The following CENPP variants were observed in gnomAD, a reference collection of about 807,000 sequenced individuals.
CENPP encodes the protein centromere protein P.
In CENPP, 24 loss-of-function variants were observed where a neutral mutation model predicts 35.6. That is an observed-to-expected ratio of 0.67 (90% confidence interval 0.49 to 0.95). The LOEUF (loss-of-function observed/expected upper bound fraction) is 0.95, where lower values mean the gene tolerates loss of function less well. CENPP is among the 40% of genes least tolerant of loss of function. The probability of loss-of-function intolerance (pLI) is 0.00; values close to 1 mark genes in which losing one functional copy is unlikely to be tolerated. For synonymous variants in CENPP, 120 were observed against 125.5 expected, an observed-to-expected ratio of 0.96 and a Z score of 0.29; for missense variants, 332 against 345.3, an observed-to-expected ratio of 0.96 and a Z score of 0.31.
At chr9:92,578,459 C>T (rs1850339505) in intron 5 of CENPP, among the ~76,000 whole-genome samples, 1 of 151,862 alleles carries the variant, frequency 6.6e-6, no homozygotes, top group Admixed American at 6.6e-5. Context: ...TCTCCAGCAC[C>T]TGTTGTTTCC....
chr9:92,536,109 T>C, intron 5 of CENPP: 3 of 438,760 alleles, frequency 6.8e-6, no homozygotes, highest in Admixed American at 6.4e-5. Flanking sequence ...ATAAATGCCT[T>C]TCAGTTCTTT....
intron 5 of CENPP, among the ~76,000 whole-genome samples, chr9:92,605,824 T>G (rs1851062429): frequency 1.3e-5 from 2 of 152,154 alleles, no homozygotes; most frequent in South Asian, 2.1e-4. Flanking sequence ...AATGAAAAAC[T>G]TTGTACTTCA....
At chr9:92,541,751 A>C (rs1057441669) in intron 5 of CENPP, among the ~76,000 whole-genome samples, 1 of 151,946 alleles carries the variant, frequency 6.6e-6, no homozygotes, top group Non-Finnish European at 1.5e-5. Flanking sequence ...ATGCTGCAGT[A>C]AACATGGGAG....
chr9:92,332,227 T>C lies in CENPP; in HGVS notation c.165T>C (p.Asp55=), dbSNP rs183021721. Residue 55 remains aspartate, a synonymous_variant, in exon 2 of 8, where the codon GAT becomes GAC. Coordinates refer to ENST00000375587, the MANE Select transcript of CENPP (RefSeq NM_001012267.3). The part of the protein sequence containing the change: ...FNLEGWKSSK[D]LKNQLGHLES... The stretch of plus-strand genomic sequence containing the variant: ...TGGAAGGATGGAAGTCTTCAAAAGA[T>C]CTGAAAAATCAGCTTGGACATTTAG... The C allele has an allele frequency of 6.8e-6, 11 of 1,612,750 alleles. No individual in the cohort carries two copies. The Admixed American group carries it at 1.8e-4, about 27-fold the overall frequency.
chr9:92,328,451 T>C (rs1460163879), intron 1 of CENPP, among the ~76,000 whole-genome samples: 1 of 152,238 alleles, frequency 6.6e-6, no homozygotes, highest in Non-Finnish European at 1.5e-5. Context: ...CTGAGTGATC[T>C]TGGTTAAGTG....
intron 5 of CENPP, among the ~76,000 whole-genome samples, chr9:92,577,716 A>C (rs1046531302): frequency 6.6e-6 from 1 of 152,132 alleles, no homozygotes; most frequent in East Asian, 1.9e-4. Context: ...GCTACTTGGA[A>C]GCTGAGGTGG....
In CENPP at chr9:92,517,776, A is replaced by G. The variant is rs772183545; in HGVS notation, c.565-93538A>G. 9.9e-6 allele frequency: 16 copies of G among 1,614,132 alleles called. No homozygotes were observed. In the South Asian group the frequency reaches 1.6e-4, roughly 17 times the overall value. On this transcript the variant is annotated intron_variant, in intron 5 of 7. Coordinates refer to ENST00000375587, the MANE Select transcript of CENPP (RefSeq NM_001012267.3). ...ATGGCACATGGTTTCATCACAAAGA[A>G]CTCTTCCATCTGAGCAGAGGCAGGT... is the stretch of plus-strand genomic sequence containing the variant.
At chr9:92,580,202 G>T (rs1850386540) in intron 5 of CENPP, among the ~76,000 whole-genome samples, 1 of 152,080 alleles carries the variant, frequency 6.6e-6, no homozygotes, top group African/African-American at 2.4e-5. Flanking sequence ...GATTCGGTTT[G>T]CCAGTATTTT....
chr9:92,445,249 C>T (rs1844523887), intron 5 of CENPP, among the ~76,000 whole-genome samples: 1 of 152,174 alleles, frequency 6.6e-6, no homozygotes, highest in Non-Finnish European at 1.5e-5. Context: ...TCAGTCACCC[C>T]TTCTTCAAGC....
chr9:92,517,086 A>C (rs1174144592), intron 5 of CENPP: 1 of 125,176 alleles, frequency 8.0e-6, no homozygotes, highest in Non-Finnish European at 1.6e-5. Flanking sequence ...GAAGGGGTCC[A>C]TGAGCAGCCA....
At position 92,470,832 on chromosome 9, in the gene CENPP, G is replaced by A. The variant is rs761872466; in HGVS notation, c.564+90973G>A. 3 of 1,053,090 alleles carry A rather than the reference G, an allele frequency of 2.8e-6. No individual in the cohort carries two copies. In the East Asian group the frequency reaches 8.0e-5, roughly 28 times the overall value. 65.2% of individuals were successfully genotyped at this position (1,053,090 alleles called of 1,614,324 possible). A position where few individuals can be genotyped will look rare whatever the true frequency, so the allele number is the denominator to read the frequency against. ...TAATAGAGAATCATGCTGAAGATGA[G>A]ATTACTAATATGGTAGAAATATACA... is the stretch of plus-strand genomic sequence containing the variant. On this transcript the variant is annotated intron_variant, in intron 5 of 7. Transcript: ENST00000375587.
intron 5 of CENPP, among the ~76,000 whole-genome samples, chr9:92,449,831 A>C (rs532317631): frequency 1.6e-4 from 25 of 152,286 alleles, no homozygotes; most frequent in Admixed American, 1.5e-3. Flanking sequence ...GCCTCCCCAG[A>C]AGCAGACTCT....
chr9:92,442,314 G>C (rs754376315), intron 5 of CENPP, among the ~76,000 whole-genome samples: 2 of 145,454 alleles, frequency 1.4e-5, no homozygotes, highest in Non-Finnish European at 3.0e-5. Context: ...AGGAGAATCA[G>C]TTGAATCCGG....
intron 5 of CENPP, among the ~76,000 whole-genome samples, chr9:92,442,607 T>A (rs921967377): frequency 4.6e-5 from 7 of 151,842 alleles, no homozygotes; most frequent in African/African-American, 1.7e-4. Flanking sequence ...CCTAGCACTT[T>A]GGGAAGCCGA....
At chr9:92,601,638 C>A (rs377334428) in intron 5 of CENPP, among the ~76,000 whole-genome samples, 1 of 152,184 alleles carries the variant, frequency 6.6e-6, no homozygotes, top group African/African-American at 2.4e-5. Flanking sequence ...TAAATGACTG[C>A]GTTGTGTCAG....
chr9:92,598,398 A>G (rs1850830883), intron 5 of CENPP, among the ~76,000 whole-genome samples: 1 of 152,242 alleles, frequency 6.6e-6, no homozygotes, highest in Admixed American at 6.5e-5. Flanking sequence ...AGTGATTTCC[A>G]GTGAGAAAAC....
intron 4 of CENPP, among the ~76,000 whole-genome samples, chr9:92,346,540 G>C (rs962938101): frequency 6.6e-6 from 1 of 152,174 alleles, no homozygotes; most frequent in Non-Finnish European, 1.5e-5. Context: ...TGGGAATTGG[G>C]TATAAAGAGT....
intron 5 of CENPP, among the ~76,000 whole-genome samples, chr9:92,551,261 A>G (rs1426809437): frequency 6.6e-6 from 1 of 152,178 alleles, no homozygotes; most frequent in East Asian, 1.9e-4. Context: ...GGTGAGAAAT[A>G]TATAGTACTG....
At chr9:92,563,441 TAATA>T (rs1849893437) in intron 5 of CENPP, among the ~76,000 whole-genome samples, 1 of 152,202 alleles carries the variant, frequency 6.6e-6, no homozygotes, top group Non-Finnish European at 1.5e-5. Flanking sequence ...TTGAGTGTAA[TAATA>T]AAGCATAGCT....
Sources: gnomAD v4.1 joint callset for allele counts (sites outside exome capture counted in the v4.1 genomes callset) on GRCh38, gnomAD v4.1.1 for gene constraint, MANE v1.5 for transcripts, NCBI Gene and HGNC (gene_info 2026-07-23, HGNC 2026-07-21) for gene names.